EXO1: variants seen among roughly 807,000 people sequenced by gnomAD.
EXO1 encodes the protein exonuclease 1.
EXO1 carries 69 observed loss-of-function variants against 84.5 expected under a neutral mutation model. The observed-to-expected ratio is 0.82, with a 90% CI of 0.67 to 1.00. The LOEUF (loss-of-function observed/expected upper bound fraction) is 1.00, where lower values mean the gene tolerates loss of function less well. Ranked by LOEUF, EXO1 falls within the 50% of genes least tolerant of loss-of-function variation. The pLI is 0.00. For missense variants in EXO1, 1,045 were observed against 1,000.7 expected (o/e 1.04, Z -0.60); for synonymous variants, 373 against 366.1 (o/e 1.02, Z -0.21).
At chr1:241,860,137 A>G (rs1354983629) in intron 8 of EXO1, among the ~76,000 whole-genome samples, 1 of 152,236 alleles carries the variant, frequency 6.6e-6, no homozygotes, top group Non-Finnish European at 1.5e-5. Flanking sequence ...TGGTTTAAAA[A>G]TATGATCTAG....
chr1:241,852,454 G>A (rs754995160), intron 5 of EXO1, 43 bp downstream of exon 5: 1 of 1,558,944 alleles, frequency 6.4e-7, no homozygotes, highest in Non-Finnish European at 8.8e-7. Flanking sequence ...ATTGCACTAA[G>A]GTCAGACACT....
chr1:241,852,547 A>G, intron 5 of EXO1, 136 bp downstream of exon 5: 1 of 762,068 alleles, frequency 1.3e-6, no homozygotes, highest in East Asian at 2.5e-5. Flanking sequence ...CGGGAGGTTG[A>G]GGCAAGAGGA....
intron 15 of EXO1, among the ~76,000 whole-genome samples, chr1:241,886,971 A>G (rs1221135885): frequency 6.6e-6 from 1 of 152,216 alleles, no homozygotes; most frequent in African/African-American, 2.4e-5. Context: ...TTGGTTGAGT[A>G]TATGAAGGAA....
rs532396614 is a variant in EXO1, at chr1:241,880,596, TC to T, written c.2109+1255del. ...ACAAAACTAGGAATAATTCATTAAG[TC>T]CTCTCTCTTGCTGCCAGATGTAGTA... On this transcript the variant is annotated intron_variant, in intron 13 of 15. Coordinates refer to ENST00000366548, the MANE Select transcript of EXO1 (RefSeq NM_130398.4). 3.5e-3 allele frequency among the ~76,000 whole-genome samples: 538 copies of T among 152,296 alleles called. 5 individuals carry two copies. The highest frequency in any genetic ancestry group is 0.012 in the African/African-American group (513 of 41,556).
intron 12 of EXO1, among the ~76,000 whole-genome samples, chr1:241,877,873 C>G (rs1212332404): frequency 6.6e-6 from 1 of 152,072 alleles, no homozygotes. Flanking sequence ...TATACTACTG[C>G]AAGTTCCTAG....
intron 8 of EXO1, among the ~76,000 whole-genome samples, chr1:241,860,103 C>T (rs944034501): frequency 8.5e-5 from 13 of 152,146 alleles, no homozygotes; most frequent in African/African-American, 3.1e-4. Context: ...ATCCATGACT[C>T]TCACAGAAAT....
At position 241,867,267 on chromosome 1, in the gene EXO1, G is replaced by A. The variant is rs140789614; in HGVS notation, c.1267+212G>A. 1.2e-3 allele frequency among the ~76,000 whole-genome samples: 188 copies of A among 152,258 alleles called. 2 individuals carry two copies. Among genetic ancestry groups the A allele is most frequent in the African/African-American group, 4.3e-3 (178 of 41,540 alleles). ...AATGGACGCACAGTTCCATGTAGCTGGGGAGGCCTCACAATTATGGTGGAA... is the reference window on the plus strand; with the variant it reads ...AATGGACGCACAGTTCCATGTAGCTAGGGAGGCCTCACAATTATGGTGGAA... On this transcript the variant is annotated intron_variant, in intron 11 of 15. Transcript: ENST00000366548.
chr1:241,850,480 G>A lies in EXO1; in HGVS notation c.55G>A (p.Val19Met). 4 of 1,613,994 alleles carry A rather than the reference G, an allele frequency of 2.5e-6. No homozygotes were observed. The highest frequency in any genetic ancestry group is 3.4e-6 in the Non-Finnish European group (4 of 1,179,848). The change falls in exon 4 of 16, where the codon GTG (valine) becomes ATG (methionine). Residue 19 changes from valine (V) to methionine (M), a missense_variant. Coordinates refer to ENST00000366548, the MANE Select transcript of EXO1 (RefSeq NM_130398.4). ...CAAAGAAGCTTCAGAACCCATCCATGTGAGGAAGTATAAAGGGCAGGTAGT... is the reference window on the plus strand; with the variant it reads ...CAAAGAAGCTTCAGAACCCATCCATATGAGGAAGTATAAAGGGCAGGTAGT... ...FIKEASEPIH[V>M]RKYKGQVVAV...
Position 241,889,763 on chromosome 1 carries a change from T to G in EXO1, c.*163T>G. The G allele has an allele frequency of 1.5e-6, 1 of 687,732 alleles. No homozygotes were observed. The highest frequency in any genetic ancestry group is 2.5e-6 in the Non-Finnish European group (1 of 398,318). 42.6% of individuals were successfully genotyped at this position (687,732 alleles called of 1,614,324 possible). A position where few individuals can be genotyped will look rare whatever the true frequency, so the allele number is the denominator to read the frequency against. The stretch of plus-strand genomic sequence containing the variant: ...TTAACTTTATAATTGGGTTGTGGTT[T>G]TTTTGCTCAGCTTTTTATATTTTTA... On this transcript the variant is annotated 3_prime_UTR_variant, in exon 16 of 16. Transcript: ENST00000366548.
chr1:241,884,674 T>TGCGCGC (rs1553275071), intron 14 of EXO1, among the ~76,000 whole-genome samples: 1 of 149,582 alleles, frequency 6.7e-6, no homozygotes, highest in Admixed American at 6.7e-5. Context: ...TGTGTGTGTG[T>TGCGCGC]GTGCACGTGC....
intron 11 of EXO1, 116 bp from the exon 12 acceptor site, chr1:241,871,916 T>TTG (rs1404433938): frequency 8.2e-6 from 6 of 727,988 alleles, no homozygotes; most frequent in East Asian, 5.5e-5. Flanking sequence ...GCATAGTTTT[T>TTG]TTTTTTTTTT....
intron 6 of EXO1, among the ~76,000 whole-genome samples, chr1:241,856,980 C>T (rs1313299392): frequency 6.6e-6 from 1 of 152,226 alleles, no homozygotes; most frequent in Non-Finnish European, 1.5e-5. Flanking sequence ...GTCGAAGCTG[C>T]AGTGTGCCCT....
At chr1:241,857,321 A>G (rs756143900) in intron 6 of EXO1, 24 bp from the exon 7 acceptor site, 11 of 1,611,828 alleles carry the variant, frequency 6.8e-6, no homozygotes, top group African/African-American at 1.3e-5. Flanking sequence ...CGTGCTAGAG[A>G]TTCACTGTGA....
intron 4 of EXO1, among the ~76,000 whole-genome samples, chr1:241,851,977 G>C (rs534813561): frequency 6.6e-6 from 1 of 152,150 alleles, no homozygotes; most frequent in African/African-American, 2.4e-5. Flanking sequence ...AACATAAAAT[G>C]GGGGGGAAAG....
intron 9 of EXO1, 88 bp downstream of exon 9, chr1:241,860,792 G>T: frequency 9.7e-7 from 1 of 1,034,854 alleles, no homozygotes; most frequent in Non-Finnish European, 1.5e-6. Context: ...TTAGTAAAAA[G>T]CTTGCACATT....
At chr1:241,886,956 G>C (rs1663102588) in intron 15 of EXO1, among the ~76,000 whole-genome samples, 1 of 152,022 alleles carries the variant, frequency 6.6e-6, no homozygotes. Flanking sequence ...TTATGATTTG[G>C]TGTTTTGGTT....
At chr1:241,869,128 A>G (rs755384204) in intron 11 of EXO1, among the ~76,000 whole-genome samples, 1 of 152,162 alleles carries the variant, frequency 6.6e-6, no homozygotes, top group Non-Finnish European at 1.5e-5. Flanking sequence ...GAACTGCCTG[A>G]TTTCAAGATT....
intron 11 of EXO1, among the ~76,000 whole-genome samples, chr1:241,871,096 G>T (rs918447052): frequency 6.6e-6 from 1 of 152,166 alleles, no homozygotes; most frequent in African/African-American, 2.4e-5. Context: ...AAAAAATGAG[G>T]TTAATCTGGT....
chr1:241,866,404 G>T (rs542098778), intron 10 of EXO1, among the ~76,000 whole-genome samples: 1 of 152,132 alleles, frequency 6.6e-6, no homozygotes, highest in African/African-American at 2.4e-5. Context: ...GTGAGCCACC[G>T]TGCCTGGCTG....
Sources: allele counts gnomAD v4.1 joint callset (sites outside exome capture counted in the v4.1 genomes callset), GRCh38; gene constraint gnomAD v4.1.1; transcripts MANE v1.5; gene names NCBI Gene and HGNC (gene_info 2026-07-23, HGNC 2026-07-21).